UNC5C: variants seen among roughly 807,000 people sequenced by gnomAD.
UNC5C encodes the protein unc-5 netrin receptor C, also known as netrin receptor UNC5C.
In UNC5C, 47 loss-of-function variants were observed where a neutral mutation model predicts 99.8. The observed-to-expected ratio is 0.47, with a 90% CI of 0.37 to 0.60. The LOEUF (loss-of-function observed/expected upper bound fraction) is 0.60. Among genes scored for constraint, UNC5C ranks in the 20% least tolerant of loss-of-function variants. UNC5C has a pLI of 0.00. For synonymous variants in UNC5C, 487 were observed against 452.2 expected, an observed-to-expected ratio of 1.08 and a Z score of -0.98; for missense variants, 1,062 against 1,165.9, an observed-to-expected ratio of 0.91 and a Z score of 1.30.
At chr4:95,392,653 C>T (rs1344114107) in intron 1 of UNC5C, among the ~76,000 whole-genome samples, 6 of 151,858 alleles carry the variant, frequency 4.0e-5, no homozygotes, top group Middle Eastern at 3.4e-3. Context: ...GTTGCTCAGG[C>T]TGGTCTCGAA....
intron 1 of UNC5C, among the ~76,000 whole-genome samples, chr4:95,442,400 G>T (rs911692538): frequency 3.4e-5 from 5 of 146,932 alleles, no homozygotes; most frequent in African/African-American, 1.3e-4. Context: ...TAGAGACAGG[G>T]TATCACTATG....
At chr4:95,444,892 A>G (rs1560835187) in intron 1 of UNC5C, among the ~76,000 whole-genome samples, 1 of 152,198 alleles carries the variant, frequency 6.6e-6, no homozygotes, top group Non-Finnish European at 1.5e-5. Flanking sequence ...GTTTTCAATT[A>G]TATTTAGAAA....
chr4:95,207,015 A>G (rs1238138942), intron 10 of UNC5C, among the ~76,000 whole-genome samples: 1 of 151,974 alleles, frequency 6.6e-6, no homozygotes, highest in Non-Finnish European at 1.5e-5. Flanking sequence ...TATGATAACA[A>G]TAAACTTGCC....
intron 3 of UNC5C, among the ~76,000 whole-genome samples, chr4:95,298,214 G>C (rs895375017): frequency 3.3e-5 from 5 of 152,108 alleles, no homozygotes; most frequent in Non-Finnish European, 7.4e-5. Context: ...TGGGAGGCTG[G>C]GGTGGTAGAA....
intron 1 of UNC5C, among the ~76,000 whole-genome samples, chr4:95,426,953 A>G (rs1369369224): frequency 6.6e-6 from 1 of 152,236 alleles, no homozygotes. Context: ...ATTATTGATG[A>G]AGGTAGCAAC....
At chr4:95,489,211 G>T (rs941791801) in intron 1 of UNC5C, among the ~76,000 whole-genome samples, 1 of 151,412 alleles carries the variant, frequency 6.6e-6, no homozygotes, top group Non-Finnish European at 1.5e-5. Flanking sequence ...TGACGATAGG[G>T]TGACACAAAA....
chr4:95,492,648 C>T (rs1443291150), intron 1 of UNC5C, among the ~76,000 whole-genome samples: 1 of 151,404 alleles, frequency 6.6e-6, no homozygotes. Flanking sequence ...CACGTTATCA[C>T]ACACACAAAA....
At chr4:95,502,783 G>A (rs1721810299) in intron 1 of UNC5C, among the ~76,000 whole-genome samples, 1 of 151,978 alleles carries the variant, frequency 6.6e-6, no homozygotes, top group African/African-American at 2.4e-5. Context: ...CTTCCTCTTA[G>A]GGAAAAGCAC....
intron 1 of UNC5C, among the ~76,000 whole-genome samples, chr4:95,448,023 T>C (rs1346916642): frequency 1.3e-5 from 2 of 152,088 alleles, no homozygotes; most frequent in East Asian, 1.9e-4. Flanking sequence ...GCTGACACTT[T>C]CCAGCTAATG....
intron 12 of UNC5C, among the ~76,000 whole-genome samples, chr4:95,192,629 C>T (rs1413917575): frequency 1.3e-5 from 2 of 149,340 alleles, no homozygotes; most frequent in Admixed American, 1.3e-4. Flanking sequence ...CCTGCTCACC[C>T]TCCTCTCCTG....
chr4:95,246,579 T>G (rs1011908114), intron 5 of UNC5C, among the ~76,000 whole-genome samples: 2 of 151,910 alleles, frequency 1.3e-5, no homozygotes, highest in Non-Finnish European at 2.9e-5. Context: ...AAATAATACA[T>G]GAATGTTTCA....
intron 1 of UNC5C, among the ~76,000 whole-genome samples, chr4:95,424,515 TTTC>T (rs1746410513): frequency 2.3e-5 from 3 of 130,956 alleles, no homozygotes; most frequent in Non-Finnish European, 3.3e-5. Flanking sequence ...TTTTTTTTCT[TTTC>T]TTTTTTTTTT....
At chr4:95,416,714 C>T (rs528486249) in intron 1 of UNC5C, among the ~76,000 whole-genome samples, 2 of 152,164 alleles carry the variant, frequency 1.3e-5, no homozygotes, top group Non-Finnish European at 2.9e-5. Flanking sequence ...AAAATGTCCA[C>T]ATGCCATGTC....
At chr4:95,261,686 T>C (rs1430868579) in intron 4 of UNC5C, among the ~76,000 whole-genome samples, 1 of 150,876 alleles carries the variant, frequency 6.6e-6, no homozygotes, top group African/African-American at 2.5e-5. Flanking sequence ...TCACAGTATA[T>C]CTTTAACTTC....
In UNC5C at chr4:95,220,150, G is replaced by A. The variant is rs748790797; in HGVS notation, c.1135C>T (p.Leu379Phe). 6.2e-7 allele frequency: 1 copy of A among 1,613,608 alleles called. No individual in the cohort carries two copies. Among genetic ancestry groups the A allele is most frequent in the African/African-American group, 1.3e-5 (1 of 74,906 alleles). ...QTAPDSDDVA[L>F]YVGIVIAVIV... Reference sequence around the variant, plus strand: ...ACTGCTATCACAATCCCAACATAGAGAGCAACATCATCTGAATCAGGAGCA... The same window carrying A: ...ACTGCTATCACAATCCCAACATAGAAAGCAACATCATCTGAATCAGGAGCA... Residue 379 changes from leucine to phenylalanine, a missense_variant, in exon 8 of 16, where the codon CTC becomes TTC. Physicochemically the swap from Leu to Phe is conservative, Grantham distance 22 (BLOSUM62 0). Around this residue, in one of 3 missense-constraint regions of UNC5C, gnomAD observed 810 missense variants for 854.5 expected, o/e 0.95. Transcript: ENST00000453304.
At chr4:95,387,286 C>T (rs1055491340) in intron 1 of UNC5C, among the ~76,000 whole-genome samples, 8 of 152,030 alleles carry the variant, frequency 5.3e-5, no homozygotes, top group Non-Finnish European at 1.2e-4. Flanking sequence ...CTATAGGCAC[C>T]CACCCTTATG....
chr4:95,533,125 T>C (rs989145057), intron 1 of UNC5C, among the ~76,000 whole-genome samples: 5 of 151,982 alleles, frequency 3.3e-5, no homozygotes, highest in African/African-American at 1.2e-4. Flanking sequence ...AAAAATAATA[T>C]GATGGCTCAC....
Position 95,169,050 on chromosome 4 carries a change from T to A in UNC5C, c.*184A>T. ...ACACAATTTTTCTTAACTCCCGTGA[T>A]GATGTCCGAGTAAAGTGGGCATGTA... On this transcript the variant is annotated 3_prime_UTR_variant, in exon 16 of 16. Coordinates refer to ENST00000453304, the MANE Select transcript of UNC5C (RefSeq NM_003728.4). 4.5e-6 allele frequency: 3 copies of A among 661,048 alleles called. No homozygotes were observed. Among genetic ancestry groups the A allele is most frequent in the Non-Finnish European group, 2.5e-6 (1 of 398,426 alleles). 40.9% of individuals were successfully genotyped at this position (661,048 alleles called of 1,614,324 possible).
intron 4 of UNC5C, among the ~76,000 whole-genome samples, chr4:95,274,456 G>A (rs1740779864): frequency 6.6e-6 from 1 of 152,180 alleles, no homozygotes; most frequent in African/African-American, 2.4e-5. Flanking sequence ...AGGGAGAACA[G>A]ACGAAGGAGC....
Sources: gnomAD v4.1 joint callset for allele counts (sites outside exome capture counted in the v4.1 genomes callset) on GRCh38, gnomAD v4.1.1 for gene constraint, gnomAD v4.1.1 regional missense constraint, MANE v1.5 for transcripts, NCBI Gene and HGNC (gene_info 2026-07-23, HGNC 2026-07-21) for gene names.